SUPT3H: variants seen among roughly 807,000 people sequenced by gnomAD.
SUPT3H encodes transcription initiation protein SPT3 homolog.
Under a neutral mutation model 44.3 loss-of-function variants are expected in SUPT3H, and 44 were observed. The observed-to-expected ratio is 0.99, with a 90% confidence interval of 0.78 to 1.28. The LOEUF (loss-of-function observed/expected upper bound fraction) is 1.28. Ranked by LOEUF, SUPT3H falls within the 50% of genes most tolerant of loss-of-function variation. The pLI, the probability that SUPT3H is intolerant of heterozygous loss-of-function variation, is 0.00. For synonymous variants in SUPT3H, 124 were observed against 125.6 expected (o/e 0.99, Z 0.09); for missense variants, 380 against 387.1 (o/e 0.98, Z 0.15).
At chr6:45,203,275 A>T (rs1163829256) in intron 2 of SUPT3H, among the ~76,000 whole-genome samples, 2 of 152,192 alleles carry the variant, frequency 1.3e-5, no homozygotes, top group Non-Finnish European at 2.9e-5. Context: ...AAACGGCATT[A>T]ACATTTACCC....
chr6:45,132,825 A>T (rs1310911308), intron 2 of SUPT3H, among the ~76,000 whole-genome samples: 3 of 152,200 alleles, frequency 2.0e-5, no homozygotes. Context: ...AACAGAAATG[A>T]TCTAATTCAA....
intron 3 of SUPT3H, among the ~76,000 whole-genome samples, chr6:45,094,087 C>T (rs1797483490): frequency 1.3e-5 from 2 of 152,090 alleles, no homozygotes; most frequent in South Asian, 4.1e-4. Context: ...GCAATTCAAT[C>T]TGGAGAGTGG....
rs572742102 is a variant in SUPT3H, at chr6:44,894,315, G to A, written c.912+38338C>T. 6.5e-3 allele frequency among the ~76,000 whole-genome samples: 981 copies of A among 152,010 alleles called. 13 individuals are homozygous for A. The highest frequency in any genetic ancestry group is 0.022 in the African/African-American group (926 of 41,436). On this transcript the variant is annotated intron_variant, in intron 10 of 10. Transcript: ENST00000371459. ...CCTTGCCCATGCCTATGTCCTGAAT[G>A]GTAATGCCTAGGTTTTCTTCTAGGG...
intron 10 of SUPT3H, among the ~76,000 whole-genome samples, chr6:44,850,175 C>T (rs184029548): frequency 3.3e-5 from 5 of 152,252 alleles, no homozygotes; most frequent in African/African-American, 1.2e-4. Context: ...TGTAAGAATG[C>T]ACTAATGATC....
Position 45,327,732 on chromosome 6 carries a change from C to T in SUPT3H, c.101+37469G>A, listed in dbSNP as rs868556143. Reference sequence around the variant, plus strand: ...GTTTGCAACCAGACCTTAAGGTAAACTTTTTTTTTTTTTACAATGAGTTAC... The same window carrying T: ...GTTTGCAACCAGACCTTAAGGTAAATTTTTTTTTTTTTTACAATGAGTTAC... On this transcript the variant is annotated intron_variant, in intron 2 of 10. Coordinates refer to ENST00000371459, the MANE Select transcript of SUPT3H (RefSeq NM_003599.4). Among the ~76,000 whole-genome samples, 102 of 148,438 alleles carry T rather than the reference C, an allele frequency of 6.9e-4. 1 individual carries two copies. Among genetic ancestry groups the T allele is most frequent in the Middle Eastern group, 3.5e-3 (1 of 282 alleles).
At position 44,829,191 on chromosome 6, in the gene SUPT3H, A is replaced by G. The variant is rs73735208; in HGVS notation, c.*625T>C. 0.012 allele frequency: 1,778 copies of G among 152,528 alleles called. 47 individuals carry two copies. The highest frequency in any genetic ancestry group is 0.041 in the African/African-American group (1,694 of 41,536). The allele number at this position is 152,528 out of a possible 1,614,324, so 9.4% of individuals were successfully genotyped here. A position where few individuals can be genotyped will look rare whatever the true frequency, so the allele number is the denominator to read the frequency against. On this transcript the variant is annotated 3_prime_UTR_variant, in exon 11 of 11. Coordinates refer to ENST00000371459, the MANE Select transcript of SUPT3H (RefSeq NM_003599.4). ...GAAGAGGTTCTGTGTGAGGAAAAAC[A>G]CACATGAAAGGCAGATGGCAGGAAG...
chr6:45,039,710 G>A (rs1019958655), intron 3 of SUPT3H, among the ~76,000 whole-genome samples: 2 of 151,926 alleles, frequency 1.3e-5, no homozygotes, highest in Non-Finnish European at 2.9e-5. Context: ...AACCTGGGAG[G>A]TGGAGGTTCC....
At chr6:45,289,418 C>T (rs1481447177) in intron 2 of SUPT3H, among the ~76,000 whole-genome samples, 2 of 152,068 alleles carry the variant, frequency 1.3e-5, no homozygotes, top group Non-Finnish European at 2.9e-5. Context: ...AAGCCACCAT[C>T]CACCTTTCTT....
At chr6:44,939,579 A>T (rs1772063554) in intron 9 of SUPT3H, among the ~76,000 whole-genome samples, 1 of 152,074 alleles carries the variant, frequency 6.6e-6, no homozygotes, top group Middle Eastern at 3.2e-3. Flanking sequence ...ACCTCATAGA[A>T]TTATTTATGG....
intron 6 of SUPT3H, among the ~76,000 whole-genome samples, chr6:44,985,212 T>TAAACA (rs3053669): frequency 8.8e-6 from 1 of 113,608 alleles, no homozygotes; most frequent in Admixed American, 9.7e-5. Context: ...AATAAATAAA[T>TAAACA]AAATAAAATA....
chr6:45,354,199 T>C (rs1169861360), intron 2 of SUPT3H, among the ~76,000 whole-genome samples: 2 of 152,168 alleles, frequency 1.3e-5, no homozygotes, highest in Non-Finnish European at 2.9e-5. Flanking sequence ...GATTCCATTA[T>C]ATCATTTTTA....
At chr6:45,073,899 T>C (rs941975793) in intron 3 of SUPT3H, among the ~76,000 whole-genome samples, 11 of 151,998 alleles carry the variant, frequency 7.2e-5, no homozygotes, top group Admixed American at 3.9e-4. Flanking sequence ...GATTCTTGAG[T>C]ATTTCTATGG....
chr6:45,316,362 CAG>C (rs947436290), intron 2 of SUPT3H, among the ~76,000 whole-genome samples: 5 of 151,236 alleles, frequency 3.3e-5, no homozygotes, highest in East Asian at 1.9e-4. Flanking sequence ...AAAAATGAAT[CAG>C]GGGGATGTCT....
chr6:45,240,861 A>C (rs1770165152), intron 2 of SUPT3H, among the ~76,000 whole-genome samples: 1 of 152,202 alleles, frequency 6.6e-6, no homozygotes. Context: ...TAATGGAAAG[A>C]ATAAAAAAAC....
intron 6 of SUPT3H, among the ~76,000 whole-genome samples, chr6:44,991,653 GA>G (rs1419208971): frequency 6.6e-6 from 1 of 151,914 alleles, no homozygotes; most frequent in Admixed American, 6.6e-5. Flanking sequence ...TCTAAATGAG[GA>G]ACACAATGAT....
intron 2 of SUPT3H, among the ~76,000 whole-genome samples, chr6:45,117,992 A>G (rs1278472955): frequency 6.6e-6 from 1 of 152,110 alleles, no homozygotes; most frequent in Non-Finnish European, 1.5e-5. Context: ...TCTCTAGAAC[A>G]TGGATAAAAA....
chr6:45,061,502 C>T (rs1311799334), intron 3 of SUPT3H, among the ~76,000 whole-genome samples: 1 of 152,072 alleles, frequency 6.6e-6, no homozygotes, highest in Non-Finnish European at 1.5e-5. Flanking sequence ...GGGCTTAATA[C>T]CTAGCTGATG....
chr6:44,891,974 A>G (rs1399338199), intron 10 of SUPT3H, among the ~76,000 whole-genome samples: 1 of 152,036 alleles, frequency 6.6e-6, no homozygotes, highest in Non-Finnish European at 1.5e-5. Context: ...AATTCCATCA[A>G]AATGTTCTAT....
rs777154020 is a variant in SUPT3H at position 45,171,713 on chromosome 6, CTTT to C, written c.102-65710_102-65708del. Reference sequence around the variant, plus strand: ...AAGGCATTAACAAAAATTCCACTTGCTTTTTTTTTTTTTTTTTTTTTTTTGACA... The same window carrying C: ...AAGGCATTAACAAAAATTCCACTTGCTTTTTTTTTTTTTTTTTTTTTGACA... On this transcript the variant is annotated intron_variant, in intron 2 of 10. Transcript: ENST00000371459. Among the ~76,000 whole-genome samples the C allele has an allele frequency of 8.3e-3, 771 of 93,422 alleles. 3 individuals carry two copies. Among genetic ancestry groups the C allele is most frequent in the African/African-American group, 0.032 (705 of 22,376 alleles). The allele number at this position is 93,422 out of a possible 152,430, so 61.3% of individuals were successfully genotyped here.
Sources: allele counts gnomAD v4.1 joint callset (sites outside exome capture counted in the v4.1 genomes callset), GRCh38; gene constraint gnomAD v4.1.1; transcripts MANE v1.5; gene names NCBI Gene and HGNC (gene_info 2026-07-23, HGNC 2026-07-21).